The following WDR55 variants were observed in gnomAD, a reference collection of about 807,000 sequenced individuals.
WDR55 encodes the protein WD repeat domain 55.
In WDR55, 31 loss-of-function variants were observed where a neutral mutation model predicts 34.0. The observed-to-expected ratio is 0.91, with a 90% confidence interval of 0.69 to 1.23. The LOEUF (loss-of-function observed/expected upper bound fraction) is 1.23, where lower values mean the gene tolerates loss of function less well. Among genes scored for constraint, WDR55 ranks in the 50% most tolerant of loss-of-function variants. The pLI is 0.00. For missense variants in WDR55, 440 were observed against 494.6 expected, an observed-to-expected ratio of 0.89 and a Z score of 1.05; for synonymous variants, 164 against 185.9, an observed-to-expected ratio of 0.88 and a Z score of 0.96.
intron 1 of WDR55, among the ~76,000 whole-genome samples, chr5:140,666,375 A>AC (rs1757924733): frequency 6.6e-6 from 1 of 152,200 alleles, no homozygotes; most frequent in African/African-American, 2.4e-5. Context: ...CAGCCTGGGC[A>AC]ACAAGAGCAA....
In WDR55 at chr5:140,669,978, C is replaced by T. The variant is rs968073765; in HGVS notation, c.*324C>T. 1 of 235,742 alleles carries T rather than the reference C, an allele frequency of 4.2e-6. No individual in the cohort carries two copies. The highest frequency in any genetic ancestry group is 5.1e-5 in the Admixed American group (1 of 19,470). The allele number at this position is 235,742 out of a possible 1,614,324, so 14.6% of individuals were successfully genotyped here. A position where few individuals can be genotyped will look rare whatever the true frequency, so the allele number is the denominator to read the frequency against. ...TCCTGGACTCAAATGATCCACCTGC[C>T]TCTGCTTCCCAAAGTGCTGGGATTA... On this transcript the variant is annotated 3_prime_UTR_variant, in exon 7 of 7. Transcript: ENST00000358337.
At chr5:140,666,633 T>C in intron 1 of WDR55, 1 of 984,904 alleles carries the variant, frequency 1.0e-6, no homozygotes, top group Non-Finnish European at 1.2e-6. Context: ...ATTTGAATGC[T>C]GTCTCCTTCA....
chr5:140,671,260 C>A lies in WDR55; in HGVS notation c.*1606C>A, dbSNP rs1295569000. On this transcript the variant is annotated 3_prime_UTR_variant, in exon 7 of 7. Coordinates refer to ENST00000358337, the MANE Select transcript of WDR55 (RefSeq NM_017706.5). ...TGGGGCCTGACACAGGCTCTGCATG[C>A]CCATTCAGGGTGCCTGTGGAGAAAG... 3 of 1,611,218 alleles carry A rather than the reference C, an allele frequency of 1.9e-6. No individual in the cohort carries two copies. Among genetic ancestry groups the A allele is most frequent in the Non-Finnish European group, 2.5e-6 (3 of 1,179,074 alleles).
rs529644303 is a variant in WDR55 at position 140,666,293 on chromosome 5, G to C, written c.191+1190G>C. Among the ~76,000 whole-genome samples the C allele has an allele frequency of 8.5e-4, 130 of 152,178 alleles. No individual in the cohort carries two copies. The Middle Eastern group carries it at 0.01, about 12-fold the overall frequency. Reference sequence around the variant, plus strand: ...CACCTGTAATCCCAGCTTCTCGGGAGGCTGAGGCAGGAGAATCGCTTGAAC... The same window carrying C: ...CACCTGTAATCCCAGCTTCTCGGGACGCTGAGGCAGGAGAATCGCTTGAAC... On this transcript the variant is annotated intron_variant, in intron 1 of 6. Coordinates refer to ENST00000358337, the MANE Select transcript of WDR55 (RefSeq NM_017706.5).
chr5:140,671,979 G>A lies in WDR55; in HGVS notation c.*2325G>A, dbSNP rs1758089151. ...CTTGGAGAAGTACTGGTTAATTGCA[G>A]GCTTTGTCTGCCTCATAACCATCAT... is the stretch of plus-strand genomic sequence containing the variant. On this transcript the variant is annotated 3_prime_UTR_variant, in exon 7 of 7. Coordinates refer to ENST00000358337, the MANE Select transcript of WDR55 (RefSeq NM_017706.5). 1.6e-6 allele frequency: 1 copy of A among 609,206 alleles called. No homozygotes were observed. Among genetic ancestry groups the A allele is most frequent in the South Asian group, 2.0e-5 (1 of 50,590 alleles). The allele number at this position is 609,206 out of a possible 1,614,324, so 37.7% of individuals were successfully genotyped here.
intron 1 of WDR55, chr5:140,667,457 G>A (rs921238191): frequency 2.0e-5 from 3 of 152,322 alleles, no homozygotes; most frequent in Non-Finnish European, 4.4e-5. Context: ...CTCTCTGCCA[G>A]GCAAATTCTA....
Position 140,671,873 on chromosome 5 carries a change from C to T in WDR55, c.*2219C>T. On this transcript the variant is annotated 3_prime_UTR_variant, in exon 7 of 7. Transcript: ENST00000358337. Reference sequence around the variant, plus strand: ...CCTTCCCATTTCCTGGTAGTGTGACCATGGGTAAGAAAAGACAATGAAGCC... The same window carrying T: ...CCTTCCCATTTCCTGGTAGTGTGACTATGGGTAAGAAAAGACAATGAAGCC... 9.0e-7 allele frequency: 1 copy of T among 1,114,790 alleles called. No homozygotes were observed. The highest frequency in any genetic ancestry group is 2.6e-5 in the East Asian group (1 of 38,742). 69.1% of individuals were successfully genotyped at this position (1,114,790 alleles called of 1,614,324 possible). A position where few individuals can be genotyped will look rare whatever the true frequency, so the allele number is the denominator to read the frequency against.
rs34342435 is a variant in WDR55 at position 140,665,060 on chromosome 5, C to G, written c.148C>G (p.Arg50Gly). The G allele has an allele frequency of 1.9e-6, 3 of 1,611,900 alleles. No homozygotes were observed. The East Asian group carries it at 6.7e-5, about 36-fold the overall frequency. ...TAGTGGGCTGGCGTTCCATCCGGCC[C>G]GTGACCTACTGGCTGCAGGGGACGT... The part of the protein sequence containing the change: ...PASGLAFHPA[R>G]DLLAAGDVDG... The change falls in exon 1 of 7, where the codon CGT (arginine) becomes GGT (glycine). Residue 50 changes from arginine to glycine, a missense_variant. By Grantham distance (125) the Arg-to-Gly change is moderately radical (BLOSUM62 -2). Transcript: ENST00000358337.
Position 140,671,051 on chromosome 5 carries a change from C to A in WDR55, c.*1397C>A, listed in dbSNP as rs1052760. 1.7e-4 allele frequency: 102 copies of A among 595,052 alleles called. No individual in the cohort carries two copies. In the African/African-American group the frequency reaches 1.8e-3, roughly 10 times the overall value. The allele number at this position is 595,052 out of a possible 1,614,324, so 36.9% of individuals were successfully genotyped here. On this transcript the variant is annotated 3_prime_UTR_variant, in exon 7 of 7. Coordinates refer to ENST00000358337, the MANE Select transcript of WDR55 (RefSeq NM_017706.5). ...GGGACAAGGAACGGCCATGGAAGAT[C>A]ACTGGGTCAGGTTGGACCCTGGGCT... is the stretch of plus-strand genomic sequence containing the variant.
At position 140,672,202 on chromosome 5, in the gene WDR55, CG is replaced by C; in HGVS notation, c.*2550del. The C allele has an allele frequency of 1.7e-6, 1 of 583,072 alleles. No homozygotes were observed. Among genetic ancestry groups the C allele is most frequent in the Non-Finnish European group, 3.0e-6 (1 of 328,436 alleles). The allele number at this position is 583,072 out of a possible 1,614,324, so 36.1% of individuals were successfully genotyped here. A position where few individuals can be genotyped will look rare whatever the true frequency, so the allele number is the denominator to read the frequency against. ...GCTTGAGGGTCCTGTGCCTATTTTGCGGTGTGGGGGTGGGGGAAGGTTGAGA... is the reference window on the plus strand; with the variant it reads ...GCTTGAGGGTCCTGTGCCTATTTTGCGTGTGGGGGTGGGGGAAGGTTGAGA... On this transcript the variant is annotated 3_prime_UTR_variant, in exon 7 of 7. Coordinates refer to ENST00000358337, the MANE Select transcript of WDR55 (RefSeq NM_017706.5).
chr5:140,667,075 A>G (rs1351302105), intron 1 of WDR55: 1 of 985,324 alleles, frequency 1.0e-6, no homozygotes, highest in African/African-American at 1.7e-5. Context: ...CAGAGGGGAC[A>G]AGTTTGCAGT....
Position 140,672,299 on chromosome 5 carries a change from G to A in WDR55, c.*2645G>A, listed in dbSNP as rs1189629558. On this transcript the variant is annotated 3_prime_UTR_variant, in exon 7 of 7. Coordinates refer to ENST00000358337, the MANE Select transcript of WDR55 (RefSeq NM_017706.5). ...AGCGGTGGTGGTAGCACCATTGGAAGTTTTAAAAATCTGAGATCAAATAGT... is the reference window on the plus strand; with the variant it reads ...AGCGGTGGTGGTAGCACCATTGGAAATTTTAAAAATCTGAGATCAAATAGT... 8 of 890,152 alleles carry A rather than the reference G, an allele frequency of 9.0e-6. No homozygotes were observed. Among genetic ancestry groups the A allele is most frequent in the African/African-American group, 3.4e-5 (2 of 59,276 alleles). 55.1% of individuals were successfully genotyped at this position (890,152 alleles called of 1,614,324 possible).
chr5:140,668,815 C>T (rs1053020623), intron 4 of WDR55, 24 bp downstream of exon 4: 2 of 1,612,792 alleles, frequency 1.2e-6, no homozygotes, highest in African/African-American at 2.7e-5. Context: ...GCTGCCTTGC[C>T]TCCCCTCCCC....
chr5:140,668,710 C>G lies in WDR55; in HGVS notation c.479C>G (p.Pro160Arg), dbSNP rs766466863. 8.7e-6 allele frequency: 14 copies of G among 1,614,134 alleles called. No individual in the cohort carries two copies. The highest frequency in any genetic ancestry group is 1.1e-5 in the Non-Finnish European group (13 of 1,180,028). The change falls in exon 4 of 7, where the codon CCC (proline) becomes CGC (arginine). Residue 160 changes from proline (P) to arginine (R), a missense_variant. Physicochemically the swap from Pro to Arg is moderately radical, Grantham distance 103. Transcript: ENST00000358337. Reference sequence around the variant, plus strand: ...CTCTGGGACCAGCGGAAGGAGGGCCCCTTAATGGATATGAGGCAACATGAA... The same window carrying G: ...CTCTGGGACCAGCGGAAGGAGGGCCGCTTAATGGATATGAGGCAACATGAA... The part of the protein sequence containing the change: ...ICLWDQRKEG[P>R]LMDMRQHEEY...
intron 1 of WDR55, chr5:140,666,837 G>C: frequency 1.0e-6 from 1 of 985,204 alleles, no homozygotes; most frequent in Non-Finnish European, 1.2e-6. Flanking sequence ...ATCTGTCATC[G>C]GTTTTGTTCT....
In WDR55 at chr5:140,669,319, C is replaced by T. The variant is rs777662807; in HGVS notation, c.831-14C>T. Reference sequence around the variant, plus strand: ...CAGCTAGCCAGTACTCAACACTGTTCTTTCCCTGCCCAGGGCTGTGAACAT... The same window carrying T: ...CAGCTAGCCAGTACTCAACACTGTTTTTTCCCTGCCCAGGGCTGTGAACAT... On this transcript the variant is annotated splice_polypyrimidine_tract_variant and intron_variant, in intron 6 of 6. Transcript: ENST00000358337. The T allele has an allele frequency of 1.2e-6, 2 of 1,610,556 alleles. No homozygotes were observed. The highest frequency in any genetic ancestry group is 2.2e-5 in the South Asian group (2 of 90,964).
chr5:140,668,568 C>T, intron 3 of WDR55, 44 bp from the exon 4 acceptor site: 1 of 1,609,764 alleles, frequency 6.2e-7, no homozygotes, highest in Non-Finnish European at 8.5e-7. Context: ...GAGGTCCCCA[C>T]TGGGACAGAG....
rs1201820241 is a variant in WDR55 at position 140,665,046 on chromosome 5, C to T, written c.134C>T (p.Ala45Val). Residue 45 changes from alanine (A) to valine (V), a missense_variant, in exon 1 of 7, where the codon GCG becomes GTG. Transcript: ENST00000358337. ...IVLEAPASGLAFHPARDLLAA... is the reference protein window; with the variant it reads ...IVLEAPASGLVFHPARDLLAA... ...CTGGAAGCTCCGGCTAGTGGGCTGG[C>T]GTTCCATCCGGCCCGTGACCTACTG... 5.6e-6 allele frequency: 9 copies of T among 1,613,168 alleles called. No homozygotes were observed. The East Asian group carries it at 2.0e-4, about 36-fold the overall frequency.
At chr5:140,668,870 C>T (rs1020320480) in intron 4 of WDR55, 21 bp from the exon 5 acceptor site, 2 of 1,614,060 alleles carry the variant, frequency 1.2e-6, no homozygotes, top group Non-Finnish European at 1.7e-6. Context: ...GCGTCTAAGC[C>T]TACTGCTCTA....
Sources: allele counts gnomAD v4.1 joint callset (sites outside exome capture counted in the v4.1 genomes callset), GRCh38; gene constraint gnomAD v4.1.1; transcripts MANE v1.5; gene names NCBI Gene and HGNC (gene_info 2026-07-23, HGNC 2026-07-21).